C5orf15: variants seen among roughly 807,000 people sequenced by gnomAD.
C5orf15 encodes keratinocyte-associated transmembrane protein 2.
In C5orf15, 10 loss-of-function variants were observed where a neutral mutation model predicts 17.8. The observed-to-expected ratio is 0.56, with a 90% CI of 0.35 to 0.95. The LOEUF (loss-of-function observed/expected upper bound fraction) is 0.95, where lower values mean the gene tolerates loss of function less well. Among genes scored for constraint, C5orf15 ranks in the 40% least tolerant of loss-of-function variants. C5orf15 has a pLI of 0.02. For missense variants in C5orf15, 319 were observed against 331.7 expected, an observed-to-expected ratio of 0.96 and a Z score of 0.30; for synonymous variants, 124 against 131.0, an observed-to-expected ratio of 0.95 and a Z score of 0.36.
At chr5:133,967,060 G>C (rs533451717) in intron 1 of C5orf15, among the ~76,000 whole-genome samples, 1 of 152,290 alleles carries the variant, frequency 6.6e-6, no homozygotes, top group African/African-American at 2.4e-5. Flanking sequence ...ACAGTTGCCA[G>C]ATATATATCC....
In C5orf15 at chr5:133,959,978, G is replaced by C. The variant is rs140814606; in HGVS notation, c.182C>G (p.Ser61Ter). 4.2e-5 allele frequency: 67 copies of C among 1,613,866 alleles called. No homozygotes were observed. In the African/African-American group the frequency reaches 8.8e-4, roughly 21 times the overall value. The change falls in exon 2 of 3, where the codon TCA becomes TGA. Residue 61 changes from serine to a stop codon, truncating the protein, a stop_gained. Transcript: ENST00000231512. LOFTEE classifies it high-confidence loss of function. The part of the protein sequence containing the change: ...TDSPSPTVLN[S>*]HISTPNVNAL... The stretch of plus-strand genomic sequence containing the variant: ...ATTCACATTTGGGGTAGAAATATGT[G>C]AGTTGAGTACGGTTGGGCTCGGTGA...
rs1414395339 is a variant in C5orf15 at position 133,959,949 on chromosome 5, A to G, written c.211T>C (p.Leu71=). The G allele has an allele frequency of 1.2e-6, 2 of 1,613,900 alleles. No homozygotes were observed. The highest frequency in any genetic ancestry group is 1.7e-6 in the Non-Finnish European group (2 of 1,179,960). The change falls in exon 2 of 3, where the codon TTA becomes CTA. Residue 71 remains leucine, a synonymous_variant. Coordinates refer to ENST00000231512, the MANE Select transcript of C5orf15 (RefSeq NM_020199.3). ...SHISTPNVNA[L]THENQTKPSI... Reference sequence around the variant, plus strand: ...GGTTTGGTTTGGTTTTCATGTGTTAAAGCATTCACATTTGGGGTAGAAATA... The same window carrying G: ...GGTTTGGTTTGGTTTTCATGTGTTAGAGCATTCACATTTGGGGTAGAAATA...
chr5:133,966,637 T>C (rs1279373127), intron 1 of C5orf15, among the ~76,000 whole-genome samples: 1 of 152,242 alleles, frequency 6.6e-6, no homozygotes, highest in Non-Finnish European at 1.5e-5. Context: ...GGTAACCTTC[T>C]ACCTTTGTAA....
At chr5:133,960,128 T>G in intron 1 of C5orf15, 108 bp from the exon 2 acceptor site, 1 of 923,190 alleles carries the variant, frequency 1.1e-6, no homozygotes, top group East Asian at 2.6e-5. Context: ...GCTACATTCC[T>G]ATAACTTTCT....
chr5:133,961,364 T>C (rs908969055), intron 1 of C5orf15, among the ~76,000 whole-genome samples: 2 of 148,950 alleles, frequency 1.3e-5, no homozygotes, highest in Non-Finnish European at 3.0e-5. Flanking sequence ...GCTAACATGA[T>C]GAAACCCGGT....
At chr5:133,965,981 T>G (rs1752184973) in intron 1 of C5orf15, among the ~76,000 whole-genome samples, 1 of 152,028 alleles carries the variant, frequency 6.6e-6, no homozygotes, top group Admixed American at 6.5e-5. Context: ...TCCCAGCACT[T>G]TGGGAGGCCA....
At position 133,965,268 on chromosome 5, in the gene C5orf15, C is replaced by T. The variant is rs149039321; in HGVS notation, c.139+3178G>A. Among the ~76,000 whole-genome samples the T allele has an allele frequency of 1.2e-3, 182 of 152,282 alleles. 1 individual carries two copies. Among genetic ancestry groups the T allele is most frequent in the African/African-American group, 4.2e-3 (175 of 41,558 alleles). ...GCCCATGCCATGGTTCTCAGCAAAA[C>T]GCCACTCATTCTTCTAAGGATACCC... is the stretch of plus-strand genomic sequence containing the variant. On this transcript the variant is annotated intron_variant, in intron 1 of 2. Transcript: ENST00000231512.
intron 1 of C5orf15, 22 bp from the exon 2 acceptor site, chr5:133,960,042 A>C: frequency 6.4e-7 from 1 of 1,558,632 alleles, no homozygotes; most frequent in Non-Finnish European, 8.7e-7. Context: ...AAAGAATATC[A>C]AACTGAAATC....
intron 1 of C5orf15, among the ~76,000 whole-genome samples, chr5:133,965,392 T>C (rs1384077733): frequency 6.6e-6 from 1 of 152,142 alleles, no homozygotes; most frequent in Admixed American, 6.5e-5. Flanking sequence ...AATACACAAA[T>C]ACAGCACAAG....
chr5:133,960,104 A>G, intron 1 of C5orf15, 84 bp from the exon 2 acceptor site: 1 of 1,189,886 alleles, frequency 8.4e-7, no homozygotes, highest in South Asian at 1.5e-5. Context: ...ATTTTACACT[A>G]AGCATTTCTC....
intron 2 of C5orf15, among the ~76,000 whole-genome samples, chr5:133,958,214 C>T (rs1561573927): frequency 6.7e-6 from 1 of 148,166 alleles, no homozygotes; most frequent in African/African-American, 2.5e-5. Context: ...GATCCTGTCT[C>T]AAAAAAAAAT....
chr5:133,959,989 G>C lies in C5orf15; in HGVS notation c.171C>G (p.Thr57=), dbSNP rs776510078. The part of the protein sequence containing the change: ...VVSRTDSPSP[T]VLNSHISTPN... Reference sequence around the variant, plus strand: ...GGGTAGAAATATGTGAGTTGAGTACGGTTGGGCTCGGTGAATCAGTCCGTG... The same window carrying C: ...GGGTAGAAATATGTGAGTTGAGTACCGTTGGGCTCGGTGAATCAGTCCGTG... Residue 57 remains threonine, a synonymous_variant, in exon 2 of 3, where the codon ACC becomes ACG. Coordinates refer to ENST00000231512, the MANE Select transcript of C5orf15 (RefSeq NM_020199.3). 6.2e-7 allele frequency: 1 copy of C among 1,611,206 alleles called. No individual in the cohort carries two copies. Among genetic ancestry groups the C allele is most frequent in the African/African-American group, 1.3e-5 (1 of 74,972 alleles).
rs1752031983 is a variant in C5orf15 at position 133,955,563 on chromosome 5, A to G, written c.*1296T>C. 1 of 152,696 alleles carries G rather than the reference A, an allele frequency of 6.5e-6. No individual in the cohort carries two copies. Among genetic ancestry groups the G allele is most frequent in the Non-Finnish European group, 1.5e-5 (1 of 68,046 alleles). 9.5% of individuals were successfully genotyped at this position (152,696 alleles called of 1,614,324 possible). A position where few individuals can be genotyped will look rare whatever the true frequency, so the allele number is the denominator to read the frequency against. ...TAAAATCTTATTCAAAATATTAAAT[A>G]ATAGTTTCAGATATGAAAAAAATTA... On this transcript the variant is annotated 3_prime_UTR_variant, in exon 3 of 3. Transcript: ENST00000231512.
At chr5:133,961,443 G>C (rs867179620) in intron 1 of C5orf15, among the ~76,000 whole-genome samples, 16 of 151,364 alleles carry the variant, frequency 1.1e-4, no homozygotes, top group Admixed American at 2.6e-4. Context: ...CTACTCGGGA[G>C]GCTGAGGCAG....
Position 133,957,001 on chromosome 5 carries a change from G to T in C5orf15, c.667-11C>A. ...AACCAGAAGAAAAATCTGGAAAACA[G>T]AAGTCATTAAATAGGCAAAAGAGAA... is the stretch of plus-strand genomic sequence containing the variant. On this transcript the variant is annotated splice_polypyrimidine_tract_variant and intron_variant, in intron 2 of 2. Coordinates refer to ENST00000231512, the MANE Select transcript of C5orf15 (RefSeq NM_020199.3). 1 of 1,603,046 alleles carries T rather than the reference G, an allele frequency of 6.2e-7. No homozygotes were observed. Among genetic ancestry groups the T allele is most frequent in the South Asian group, 1.1e-5 (1 of 87,728 alleles).
At chr5:133,967,562 C>T (rs969988496) in intron 1 of C5orf15, 5 of 152,182 alleles carry the variant, frequency 3.3e-5, no homozygotes, top group Non-Finnish European at 5.9e-5. Flanking sequence ...TTACAGATTT[C>T]CTAATTTCTC....
intron 1 of C5orf15, among the ~76,000 whole-genome samples, chr5:133,964,115 G>A (rs1752161831): frequency 6.6e-6 from 1 of 152,150 alleles, no homozygotes; most frequent in African/African-American, 2.4e-5. Flanking sequence ...TACTCTGGAG[G>A]CTGAGACAGG....
At chr5:133,958,801 T>A (rs1752075839) in intron 2 of C5orf15, among the ~76,000 whole-genome samples, 1 of 151,744 alleles carries the variant, frequency 6.6e-6, no homozygotes, top group Admixed American at 6.6e-5. Context: ...ATCAAAAGAT[T>A]AAGTTCAATG....
Position 133,959,589 on chromosome 5 carries a change from T to G in C5orf15, c.571A>C (p.Asn191His). 6.2e-7 allele frequency: 1 copy of G among 1,611,086 alleles called. No individual in the cohort carries two copies. Among genetic ancestry groups the G allele is most frequent in the African/African-American group, 1.3e-5 (1 of 74,874 alleles). ...AAATGGCTGTCTTCCTCTTCTATAT[T>G]TGAGGATGGCATCTTAAAAGATTTC... ...SVKSFKMPSSNIEEEDSHFFF... is the reference protein window; with the variant it reads ...SVKSFKMPSSHIEEEDSHFFF... Residue 191 changes from asparagine to histidine, a missense_variant, in exon 2 of 3, where the codon AAT becomes CAT. Around this residue, in one of 3 missense-constraint regions of C5orf15, gnomAD observed 175 missense variants for 192.4 expected, o/e 0.91. Transcript: ENST00000231512.
Sources: allele counts gnomAD v4.1 joint callset (sites outside exome capture counted in the v4.1 genomes callset), GRCh38; gene constraint gnomAD v4.1.1; regional missense constraint gnomAD v4.1.1; transcripts MANE v1.5; gene names NCBI Gene and HGNC (gene_info 2026-07-23, HGNC 2026-07-21).